Variants in TP63 observed in about 807,000 individuals in gnomAD.
The protein encoded by TP63 is tumor protein 63.
A neutral mutation model predicts 82.8 loss-of-function variants in TP63; 17 were observed. That is an observed-to-expected ratio of 0.21 (90% CI 0.14 to 0.31). The LOEUF (loss-of-function observed/expected upper bound fraction) is 0.31, where lower values mean the gene tolerates loss of function less well. TP63 is among the 10% of genes least tolerant of loss of function. TP63 has a pLI of 1.00. For missense variants in TP63, 648 were observed against 895.3 expected (o/e 0.72, Z 3.52); for synonymous variants, 330 against 321.7 (o/e 1.03, Z -0.28).
At chr3:189,873,237 A>G in intron 10 of TP63, 1 of 581,588 alleles carries the variant, frequency 1.7e-6, no homozygotes. Context: ...CTGGTGAATT[A>G]CAAAGAAACT....
At chr3:189,600,760 G>C in the TP63 span, among the ~76,000 whole-genome samples, 1 of 152,074 alleles carries the variant, frequency 6.6e-6, no homozygotes, top group African/African-American at 2.4e-5. Flanking sequence ...TACAAAAGTA[G>C]GTTCAATAAG....
At chr3:189,736,047 C>T (rs1004612052) in intron 1 of TP63, among the ~76,000 whole-genome samples, 3 of 150,572 alleles carry the variant, frequency 2.0e-5, no homozygotes, top group African/African-American at 7.3e-5. Context: ...CTACAATTTC[C>T]TCAATTTAAA....
At chr3:189,669,356 CAA>C (rs201942199) in intron 1 of TP63, among the ~76,000 whole-genome samples, 4 of 115,036 alleles carry the variant, frequency 3.5e-5, no homozygotes, top group African/African-American at 3.3e-5. Context: ...GTGTGTACTA[CAA>C]AAAAAAAAAA....
chr3:189,660,855 C>T (rs549594583), intron 1 of TP63, among the ~76,000 whole-genome samples: 15 of 149,820 alleles, frequency 1.0e-4, no homozygotes, highest in African/African-American at 3.7e-4. Flanking sequence ...TTGATTTGCT[C>T]TCAGCTTCAA....
Position 189,643,068 on chromosome 3 carries a change from C to T in TP63, c.62+11491C>T, listed in dbSNP as rs997391329. On this transcript the variant is annotated intron_variant, in intron 1 of 13. Coordinates refer to ENST00000264731, the MANE Select transcript of TP63 (RefSeq NM_003722.5). The stretch of plus-strand genomic sequence containing the variant: ...CCAGGGTGGAGTACAATGGCGCAAT[C>T]TCAGCTCACTGCAACTTCTGCCTCC... 3.9e-5 allele frequency among the ~76,000 whole-genome samples: 6 copies of T among 152,072 alleles called. No individual in the cohort carries two copies. The East Asian group carries it at 1.2e-3, about 29-fold the overall frequency.
chr3:189,663,935 C>A (rs1356820105), intron 1 of TP63, among the ~76,000 whole-genome samples: 1 of 152,070 alleles, frequency 6.6e-6, no homozygotes. Flanking sequence ...GTGTTAGGTG[C>A]CTTGGACACA....
At chr3:189,738,802 CT>C in intron 3 of TP63, 28 bp downstream of exon 3, 1 of 1,613,314 alleles carries the variant, frequency 6.2e-7, no homozygotes, top group Non-Finnish European at 8.5e-7. Flanking sequence ...TCTCTTCAGT[CT>C]TTGGGCCATG....
chr3:189,625,391 C>T, the TP63 span, among the ~76,000 whole-genome samples: 1 of 151,166 alleles, frequency 6.6e-6, no homozygotes, highest in Non-Finnish European at 1.5e-5. Context: ...CTGTGCTTTA[C>T]AAAAATATCT....
intron 10 of TP63, among the ~76,000 whole-genome samples, chr3:189,882,379 C>A (rs370847338): frequency 6.6e-6 from 1 of 151,842 alleles, no homozygotes; most frequent in African/African-American, 2.4e-5. Flanking sequence ...CCAGATAACC[C>A]GGCTAGAGAG....
chr3:189,706,544 G>A (rs1248997025), intron 1 of TP63, among the ~76,000 whole-genome samples: 1 of 152,102 alleles, frequency 6.6e-6, no homozygotes, highest in African/African-American at 2.4e-5. Flanking sequence ...GTGAGCCACC[G>A]TGCCCGGCCG....
intron 4 of TP63, among the ~76,000 whole-genome samples, chr3:189,815,885 A>G (rs1728131832): frequency 6.6e-6 from 1 of 152,222 alleles, no homozygotes. Flanking sequence ...ACTAAGCAAT[A>G]CATTATCAGA....
intron 1 of TP63, among the ~76,000 whole-genome samples, chr3:189,705,428 T>C (rs1718123735): frequency 6.6e-6 from 1 of 152,204 alleles, no homozygotes; most frequent in South Asian, 2.1e-4. Context: ...TATTCTTTTT[T>C]CATTCTTATT....
chr3:189,823,957 A>G (rs1228879325), intron 4 of TP63, among the ~76,000 whole-genome samples: 1 of 152,120 alleles, frequency 6.6e-6, no homozygotes, highest in Non-Finnish European at 1.5e-5. Flanking sequence ...GATAACTCTT[A>G]TCCAGCCTAA....
chr3:189,674,267 T>C (rs1036587147), intron 1 of TP63, among the ~76,000 whole-genome samples: 1 of 152,126 alleles, frequency 6.6e-6, no homozygotes, highest in Non-Finnish European at 1.5e-5. Context: ...TATTGGGACC[T>C]ATTCAATCCT....
chr3:189,835,708 T>A (rs2108724088), intron 4 of TP63, among the ~76,000 whole-genome samples: 1 of 151,018 alleles, frequency 6.6e-6, no homozygotes, highest in South Asian at 2.1e-4. Flanking sequence ...TGGTCAGGAG[T>A]TCGAGAACAG....
At chr3:189,797,505 T>C (rs1177202792) in intron 3 of TP63, among the ~76,000 whole-genome samples, 1 of 152,092 alleles carries the variant, frequency 6.6e-6, no homozygotes, top group East Asian at 1.9e-4. Flanking sequence ...GAATATGCCC[T>C]GTTTACTCAA....
intron 3 of TP63, among the ~76,000 whole-genome samples, chr3:189,741,755 T>C (rs1721004726): frequency 6.6e-6 from 1 of 152,220 alleles, no homozygotes; most frequent in Non-Finnish European, 1.5e-5. Flanking sequence ...GGAATCACCA[T>C]GTTTTGCTCT....
intron 1 of TP63, among the ~76,000 whole-genome samples, chr3:189,731,653 T>C (rs1720183042): frequency 6.6e-6 from 1 of 152,230 alleles, no homozygotes; most frequent in Non-Finnish European, 1.5e-5. Flanking sequence ...AGAAACCTCT[T>C]GATGTTTTCA....
Position 189,869,421 on chromosome 3 carries a change from G to A in TP63, c.1212+15G>A, listed in dbSNP as rs1342668904. On this transcript the variant is annotated intron_variant, in intron 9 of 13. Coordinates refer to ENST00000264731, the MANE Select transcript of TP63 (RefSeq NM_003722.5). Reference sequence around the variant, plus strand: ...TATACTTACCAGTAGGTCTTCCTTGGGTGTTCATGGTTGCTTCATTTTAAC... The same window carrying A: ...TATACTTACCAGTAGGTCTTCCTTGAGTGTTCATGGTTGCTTCATTTTAAC... 14 of 1,610,036 alleles carry A rather than the reference G, an allele frequency of 8.7e-6. No individual in the cohort carries two copies. Among genetic ancestry groups the A allele is most frequent in the Non-Finnish European group, 1.0e-5 (12 of 1,176,794 alleles).
Sources: gnomAD v4.1 joint callset for allele counts (sites outside exome capture counted in the v4.1 genomes callset) on GRCh38, gnomAD v4.1.1 for gene constraint, MANE v1.5 for transcripts, NCBI Gene and HGNC (gene_info 2026-07-23, HGNC 2026-07-21) for gene names.